Variants in FOXN3 observed in about 807,000 individuals in gnomAD.
FOXN3 encodes forkhead box N3.
In FOXN3, 7 loss-of-function variants were observed where a neutral mutation model predicts 38.4. That is an observed-to-expected ratio of 0.18 (90% CI 0.10 to 0.34). The LOEUF (loss-of-function observed/expected upper bound fraction) is 0.34. Among genes scored for constraint, FOXN3 ranks in the 10% least tolerant of loss-of-function variants. FOXN3 has a pLI of 1.00. For missense variants in FOXN3, 456 were observed against 613.4 expected (o/e 0.74, Z 2.71); for synonymous variants, 230 against 242.2 (o/e 0.95, Z 0.47).
intron 1 of FOXN3, among the ~76,000 whole-genome samples, chr14:89,456,513 G>A (rs1169519621): frequency 1.3e-5 from 2 of 152,174 alleles, no homozygotes; most frequent in East Asian, 3.9e-4. Flanking sequence ...CAACACTTTG[G>A]GAGGCCAAGG....
chr14:89,471,031 G>T (rs1198660691), intron 1 of FOXN3, among the ~76,000 whole-genome samples: 4 of 152,206 alleles, frequency 2.6e-5, no homozygotes, highest in East Asian at 1.9e-4. Flanking sequence ...ATGTAGGAGG[G>T]AAGTTAAGGC....
At chr14:89,295,048 C>G (rs1464546745) in intron 3 of FOXN3, among the ~76,000 whole-genome samples, 1 of 152,082 alleles carries the variant, frequency 6.6e-6, no homozygotes, top group East Asian at 1.9e-4. Flanking sequence ...CTCAGAAGCC[C>G]TCCTGTTCCT....
intron 4 of FOXN3, among the ~76,000 whole-genome samples, chr14:89,213,869 A>G (rs1884179543): frequency 2.0e-5 from 3 of 152,240 alleles, no homozygotes; most frequent in Admixed American, 1.3e-4. Context: ...CTAATAATTT[A>G]TTAAGCTATT....
chr14:89,463,567 C>T (rs1389345131), intron 1 of FOXN3, among the ~76,000 whole-genome samples: 1 of 152,188 alleles, frequency 6.6e-6, no homozygotes, highest in Non-Finnish European at 1.5e-5. Flanking sequence ...ATTATCCCCA[C>T]AGCATTTGGT....
intron 1 of FOXN3, among the ~76,000 whole-genome samples, chr14:89,440,080 A>G (rs895351653): frequency 6.6e-6 from 1 of 152,074 alleles, no homozygotes. Flanking sequence ...TAACGGTGCT[A>G]TTATCCCCAT....
chr14:89,233,596 G>T (rs1292256998), intron 4 of FOXN3, among the ~76,000 whole-genome samples: 2 of 151,678 alleles, frequency 1.3e-5, no homozygotes, highest in African/African-American at 4.8e-5. Flanking sequence ...TTTATGATCT[G>T]TCATCCCCCT....
In FOXN3 at chr14:89,191,090, A is replaced by C. The variant is rs17125468; in HGVS notation, c.746-10284T>G. Among the ~76,000 whole-genome samples, 57 of 152,312 alleles carry C rather than the reference A, an allele frequency of 3.7e-4. No homozygotes were observed. The East Asian group carries it at 9.6e-3, about 26-fold the overall frequency. Reference sequence around the variant, plus strand: ...TGCTTTTAATATGGGTAAAAAAAAAATACTCATCACTCCATTGCTATAATT... The same window carrying C: ...TGCTTTTAATATGGGTAAAAAAAAACTACTCATCACTCCATTGCTATAATT... On this transcript the variant is annotated intron_variant, in intron 4 of 5. Transcript: ENST00000557258.
chr14:89,433,636 C>G (rs541491279), intron 1 of FOXN3, among the ~76,000 whole-genome samples: 1 of 152,050 alleles, frequency 6.6e-6, no homozygotes, highest in East Asian at 2.0e-4. Flanking sequence ...AACTCTGTCT[C>G]TACTAAAAAT....
chr14:89,592,207 A>C (rs1234065286), intron 1 of FOXN3, among the ~76,000 whole-genome samples: 2 of 152,202 alleles, frequency 1.3e-5, no homozygotes, highest in Non-Finnish European at 2.9e-5. Context: ...AAGAAAAATA[A>C]ATAAGCAAAC....
intron 1 of FOXN3, among the ~76,000 whole-genome samples, chr14:89,523,397 T>G (rs137944012): frequency 8.5e-5 from 13 of 152,306 alleles, no homozygotes; most frequent in African/African-American, 2.9e-4. Context: ...AACAGAAGAC[T>G]ACATATTCAG....
intron 1 of FOXN3, among the ~76,000 whole-genome samples, chr14:89,451,693 C>A (rs910696724): frequency 6.6e-6 from 1 of 152,164 alleles, no homozygotes; most frequent in Admixed American, 6.5e-5. Context: ...GCCTGCCAGT[C>A]GTAACACCTC....
chr14:89,318,459 C>T (rs536367565), intron 3 of FOXN3, among the ~76,000 whole-genome samples: 1 of 152,184 alleles, frequency 6.6e-6, no homozygotes, highest in South Asian at 2.1e-4. Flanking sequence ...ACACCCGGCC[C>T]CTTTTTCTTT....
At position 89,158,199 on chromosome 14, in the gene FOXN3, G is replaced by A. The variant is rs923930386; in HGVS notation, c.*4215C>T. 4 of 152,284 alleles carry A rather than the reference G, an allele frequency of 2.6e-5. No individual in the cohort carries two copies. Among genetic ancestry groups the A allele is most frequent in the African/African-American group, 9.7e-5 (4 of 41,444 alleles). The allele number at this position is 152,284 out of a possible 1,614,324, so 9.4% of individuals were successfully genotyped here. On this transcript the variant is annotated 3_prime_UTR_variant, in exon 6 of 6. Coordinates refer to ENST00000557258, the MANE Select transcript of FOXN3 (RefSeq NM_005197.4). Reference sequence around the variant, plus strand: ...GTGGAACTTGCGTCAGTAGCCCTTGGCCTGGGCAGTCCTGGCGTGGTGCAG... The same window carrying A: ...GTGGAACTTGCGTCAGTAGCCCTTGACCTGGGCAGTCCTGGCGTGGTGCAG...
chr14:89,258,501 C>T (rs1885695179), intron 4 of FOXN3, among the ~76,000 whole-genome samples: 1 of 152,176 alleles, frequency 6.6e-6, no homozygotes, highest in Non-Finnish European at 1.5e-5. Context: ...TGCCAAGCTC[C>T]ATGCCTGGAA....
At chr14:89,394,201 G>GGATC (rs1891040002) in intron 2 of FOXN3, among the ~76,000 whole-genome samples, 2 of 150,930 alleles carry the variant, frequency 1.3e-5, no homozygotes, top group African/African-American at 4.9e-5. Context: ...ACCACAATGG[G>GGATC]GATCGACGTT....
chr14:89,478,263 A>G (rs1461431178), intron 1 of FOXN3, among the ~76,000 whole-genome samples: 1 of 152,210 alleles, frequency 6.6e-6, no homozygotes, highest in African/African-American at 2.4e-5. Flanking sequence ...AGGCCTCCTC[A>G]GAAGCAGATG....
Position 89,563,886 on chromosome 14 carries a change from A to G in FOXN3, c.-15+55142T>C, listed in dbSNP as rs566098113. Among the ~76,000 whole-genome samples, 211 of 152,242 alleles carry G rather than the reference A, an allele frequency of 1.4e-3. 1 individual carries two copies. The highest frequency in any genetic ancestry group is 4.9e-3 in the African/African-American group (204 of 41,550). ...TTTTTTTGAGACAGAGTTTCACTCTATCCCCCAGGCTGGAGCACAGTGGCT... is the reference window on the plus strand; with the variant it reads ...TTTTTTTGAGACAGAGTTTCACTCTGTCCCCCAGGCTGGAGCACAGTGGCT... On this transcript the variant is annotated intron_variant, in intron 1 of 6. Transcript: ENST00000345097.
intron 1 of FOXN3, among the ~76,000 whole-genome samples, chr14:89,533,155 A>G (rs1894607716): frequency 6.6e-6 from 1 of 152,244 alleles, no homozygotes; most frequent in Admixed American, 6.5e-5. Flanking sequence ...ATAAACTCAA[A>G]GCTAAAAAAT....
rs1887124425 is a variant in FOXN3 at position 89,162,318 on chromosome 14, GA to G, written c.*95del. 8.2e-6 allele frequency: 9 copies of G among 1,092,260 alleles called. No individual in the cohort carries two copies. The highest frequency in any genetic ancestry group is 3.9e-5 in the South Asian group (2 of 51,906). The allele number at this position is 1,092,260 out of a possible 1,614,324, so 67.7% of individuals were successfully genotyped here. A position where few individuals can be genotyped will look rare whatever the true frequency, so the allele number is the denominator to read the frequency against. ...AAACCAAACCAAAAACAAGAAAAAA[GA>G]AAAAAAATTGCTGATATTGCCACAA... On this transcript the variant is annotated 3_prime_UTR_variant, in exon 6 of 6. Transcript: ENST00000557258. This position sits in a 1 kb window ranked among gnomAD's most constrained non-coding sequence, Gnocchi z 7.2.
Sources: allele counts gnomAD v4.1 joint callset (sites outside exome capture counted in the v4.1 genomes callset), GRCh38; gene constraint gnomAD v4.1.1; non-coding constraint Gnocchi (gnomAD v3.1); transcripts MANE v1.5; gene names NCBI Gene and HGNC (gene_info 2026-07-23, HGNC 2026-07-21).